Variants in ERICH5 observed in about 807,000 individuals in gnomAD.
The protein encoded by ERICH5 is glutamate rich 5.
A neutral mutation model predicts 28.0 loss-of-function variants in ERICH5; 24 were observed. The observed-to-expected ratio is 0.86, with a 90% CI of 0.62 to 1.21. The LOEUF is 1.21. Among genes scored for constraint, ERICH5 ranks in the 50% most tolerant of loss-of-function variants. ERICH5 has a pLI of 0.00. For synonymous variants in ERICH5, 163 were observed against 157.6 expected (o/e 1.03, Z -0.25); for missense variants, 421 against 441.2 (o/e 0.95, Z 0.41).
At chr8:98,086,374 A>G (rs982573815) in intron 1 of ERICH5, among the ~76,000 whole-genome samples, 2 of 152,210 alleles carry the variant, frequency 1.3e-5, no homozygotes, top group Admixed American at 1.3e-4. Flanking sequence ...TAAGTCCTTC[A>G]TCTTCATGAA....
chr8:98,084,355 C>T (rs993887097), intron 1 of ERICH5, among the ~76,000 whole-genome samples: 1 of 151,996 alleles, frequency 6.6e-6, no homozygotes, highest in African/African-American at 2.4e-5. Flanking sequence ...GTGTTGCCTG[C>T]CTCTAATTCA....
At chr8:98,073,538 ATATATATAAT>A (rs1814989137) in intron 1 of ERICH5, among the ~76,000 whole-genome samples, 4 of 35,730 alleles carry the variant, frequency 1.1e-4, no homozygotes, top group Non-Finnish European at 1.4e-4. Flanking sequence ...ATATATATAT[ATATATATAAT>A]TTTTTTTTTT....
intron 2 of ERICH5, among the ~76,000 whole-genome samples, chr8:98,091,925 CT>C (rs1815410128): frequency 1.5e-5 from 1 of 66,458 alleles, no homozygotes; most frequent in African/African-American, 6.1e-5. Context: ...TTCTTCCTTT[CT>C]TTCTTTCTTC....
At chr8:98,068,047 G>T in intron 1 of ERICH5, among the ~76,000 whole-genome samples, 1 of 151,602 alleles carries the variant, frequency 6.6e-6, no homozygotes, top group Non-Finnish European at 1.5e-5. Flanking sequence ...AATTGAGACA[G>T]GGTCTTGCTA....
In ERICH5 at chr8:98,083,369, G is replaced by T. The variant is rs367771904; in HGVS notation, c.59-5707G>T. Among the ~76,000 whole-genome samples, 49 of 152,094 alleles carry T rather than the reference G, an allele frequency of 3.2e-4. 2 individuals are homozygous for T. Among genetic ancestry groups the T allele is most frequent in the African/African-American group, 1.1e-3 (47 of 41,488 alleles). ...TTTTCTCAGGATGAATTTCTTTTTAGACCTGAAAAATCACCTTGATTAAGT... is the reference window on the plus strand; with the variant it reads ...TTTTCTCAGGATGAATTTCTTTTTATACCTGAAAAATCACCTTGATTAAGT... On this transcript the variant is annotated intron_variant, in intron 1 of 2. Coordinates refer to ENST00000318528, the MANE Select transcript of ERICH5 (RefSeq NM_173549.3).
At chr8:98,093,018 C>T (rs1423680105) in intron 2 of ERICH5, among the ~76,000 whole-genome samples, 1 of 152,114 alleles carries the variant, frequency 6.6e-6, no homozygotes, top group South Asian at 2.1e-4. Context: ...AGGCAATCCG[C>T]CTTCCTTGGC....
chr8:98,088,621 A>G (rs140889824), intron 1 of ERICH5, among the ~76,000 whole-genome samples: 1,565 of 152,326 alleles, frequency 0.01, 26 homozygotes, highest in African/African-American at 0.036. Context: ...CCTCTCTAGC[A>G]GCCCAAGGAC....
intron 2 of ERICH5, among the ~76,000 whole-genome samples, chr8:98,091,140 A>G (rs1275091662): frequency 6.6e-6 from 1 of 152,020 alleles, no homozygotes; most frequent in Non-Finnish European, 1.5e-5. Flanking sequence ...GTTTCACCAC[A>G]TTGGCCAGGC....
intron 1 of ERICH5, among the ~76,000 whole-genome samples, chr8:98,073,034 A>T (rs1352745473): frequency 6.6e-6 from 1 of 152,074 alleles, no homozygotes; most frequent in Non-Finnish European, 1.5e-5. Context: ...TTACCTGTAC[A>T]CCTTGCATTA....
At chr8:98,072,462 C>G (rs1814935419) in intron 1 of ERICH5, among the ~76,000 whole-genome samples, 1 of 152,084 alleles carries the variant, frequency 6.6e-6, no homozygotes, top group Admixed American at 6.6e-5. Context: ...TGGTGAAACC[C>G]CATCTCTACT....
intron 1 of ERICH5, among the ~76,000 whole-genome samples, chr8:98,074,352 GTCT>G (rs1815010520): frequency 1.3e-5 from 2 of 151,480 alleles, no homozygotes; most frequent in East Asian, 1.9e-4. Flanking sequence ...AGGCTACCAG[GTCT>G]TCTTATTTAG....
rs1353972647 is a variant in ERICH5 at position 98,089,646 on chromosome 8, G to A, written c.629G>A (p.Gly210Glu). The change falls in exon 2 of 3, where the codon GGA (glycine) becomes GAA (glutamate). Residue 210 changes from glycine (G) to glutamate (E), a missense_variant. Transcript: ENST00000318528. The part of the protein sequence containing the change: ...AGELQPQGTV[G>E]KDEQAPLLET... ...GAGCTACAACCTCAGGGCACAGTGG[G>A]AAAGGATGAGCAGGCCCCGCTTCTA... The A allele has an allele frequency of 6.2e-7, 1 of 1,613,962 alleles. No homozygotes were observed. The highest frequency in any genetic ancestry group is 1.3e-5 in the African/African-American group (1 of 74,934).
At chr8:98,066,339 G>T (rs977277041) in intron 1 of ERICH5, among the ~76,000 whole-genome samples, 2 of 152,168 alleles carry the variant, frequency 1.3e-5, no homozygotes, top group Non-Finnish European at 2.9e-5. Flanking sequence ...CCCATGCTGT[G>T]CTTCAGTTAT....
rs562196071 is a variant in ERICH5 at position 98,077,093 on chromosome 8, T to G, written c.59-11983T>G. 4.6e-3 allele frequency among the ~76,000 whole-genome samples: 621 copies of G among 134,096 alleles called. 2 individuals carry two copies. Among genetic ancestry groups the G allele is most frequent in the Non-Finnish European group, 7.0e-3 (439 of 62,490 alleles). 88.0% of individuals were successfully genotyped at this position (134,096 alleles called of 152,430 possible). ...GCCTGGGCAACATAGCGAGGCCCTG[T>G]CTCTATTAAAAAAAAAAAAGGATGC... On this transcript the variant is annotated intron_variant, in intron 1 of 2. Transcript: ENST00000318528.
chr8:98,076,929 A>G (rs1815065041), intron 1 of ERICH5, among the ~76,000 whole-genome samples: 1 of 152,138 alleles, frequency 6.6e-6, no homozygotes, highest in African/African-American at 2.4e-5. Flanking sequence ...GGTTAAGCCT[A>G]AGCTGTGCCA....
At chr8:98,074,464 C>T (rs1407223672) in intron 1 of ERICH5, among the ~76,000 whole-genome samples, 3 of 145,616 alleles carry the variant, frequency 2.1e-5, no homozygotes, top group Non-Finnish European at 3.0e-5. Context: ...CACTCTGTCA[C>T]CCAGGCTGAG....
intron 1 of ERICH5, among the ~76,000 whole-genome samples, chr8:98,075,821 A>G (rs1815042771): frequency 9.2e-6 from 1 of 108,450 alleles, no homozygotes; most frequent in African/African-American, 3.8e-5. Flanking sequence ...GGGTGTTGCT[A>G]TGTTGCCCAG....
At chr8:98,087,173 A>C (rs1048884258) in intron 1 of ERICH5, among the ~76,000 whole-genome samples, 1 of 152,110 alleles carries the variant, frequency 6.6e-6, no homozygotes, top group African/African-American at 2.4e-5. Context: ...ACCACGTGGG[A>C]CCACATCTCT....
At position 98,089,039 on chromosome 8, in the gene ERICH5, T is replaced by C. The variant is rs771331444; in HGVS notation, c.59-37T>C. 2.0e-6 allele frequency: 3 copies of C among 1,480,412 alleles called. No homozygotes were observed. The African/African-American group carries it at 4.2e-5, about 21-fold the overall frequency. The allele number at this position is 1,480,412 out of a possible 1,614,324, so 91.7% of individuals were successfully genotyped here. On this transcript the variant is annotated intron_variant, in intron 1 of 2. Transcript: ENST00000318528. ...TAAAACTAAACAATAATTTGTGTTT[T>C]CTCTTTTCTTTTTCTTTTTCAAATG...
Sources: allele counts gnomAD v4.1 joint callset (sites outside exome capture counted in the v4.1 genomes callset), GRCh38; gene constraint gnomAD v4.1.1; transcripts MANE v1.5; gene names NCBI Gene and HGNC (gene_info 2026-07-23, HGNC 2026-07-21).